The following ZP3 variants were observed in gnomAD, a reference collection of about 807,000 sequenced individuals.
The protein encoded by ZP3 is zona pellucida sperm-binding protein 3.
ZP3 carries 21 observed loss-of-function variants against 35.6 expected under a neutral mutation model. The ratio of observed to expected loss-of-function variants is 0.59; its 90% CI spans 0.42 to 0.85. The LOEUF is 0.85. ZP3 is among the 40% of genes least tolerant of loss of function. The pLI is 0.00. For missense variants in ZP3, 437 were observed against 536.5 expected (o/e 0.81, Z 1.83); for synonymous variants, 207 against 214.5 (o/e 0.96, Z 0.31).
At position 76,425,199 on chromosome 7, in the gene ZP3, G is replaced by A; in HGVS notation, c.235G>A (p.Glu79Lys). The A allele has an allele frequency of 6.2e-7, 1 of 1,614,024 alleles. No homozygotes were observed. The highest frequency in any genetic ancestry group is 1.3e-5 in the African/African-American group (1 of 75,054). ...CCTCACCTTGGGCCCAGAGGCCTGT[G>A]AGCCTCTGGTCTCCATGGACACAGA... ...ADLTLGPEACEPLVSMDTEDV... is the reference protein window; with the variant it reads ...ADLTLGPEACKPLVSMDTEDV... Residue 79 changes from glutamate (E) to lysine (K), a missense_variant, in exon 1 of 8, where the codon GAG becomes AAG. Coordinates refer to ENST00000394857, the MANE Select transcript of ZP3 (RefSeq NM_001110354.2).
Position 76,429,608 on chromosome 7 carries a change from A to G in ZP3, c.406A>G (p.Ile136Val). The G allele has an allele frequency of 6.2e-7, 1 of 1,614,032 alleles. No individual in the cohort carries two copies. Among genetic ancestry groups the G allele is most frequent in the Non-Finnish European group, 8.5e-7 (1 of 1,179,958 alleles). ...CATCGTGAGGACTAACCGCGCAGAG[A>G]TTCCCATCGAGTGCCGCTACCCCAG... Reference protein sequence around the residue: ...LSIVRTNRAEIPIECRYPRQG... With the variant: ...LSIVRTNRAEVPIECRYPRQG... The change falls in exon 2 of 8, where the codon ATT becomes GTT. Residue 136 changes from isoleucine to valine, a missense_variant. Physicochemically the swap from Ile to Val is conservative, Grantham distance 29 (BLOSUM62 3). Around this residue, in one of 6 missense-constraint regions of ZP3, gnomAD observed 352 missense variants for 308.4 expected, o/e 1.14. Coordinates refer to ENST00000394857, the MANE Select transcript of ZP3 (RefSeq NM_001110354.2).
chr7:76,399,523 C>A (rs908571835), intron 1 of ZP3, among the ~76,000 whole-genome samples: 1 of 151,766 alleles, frequency 6.6e-6, no homozygotes, highest in Admixed American at 6.6e-5. Context: ...GCCAGTGTGA[C>A]CCCAATAGTC....
chr7:76,414,696 C>CT (rs562055219), intron 1 of ZP3, among the ~76,000 whole-genome samples: 10,515 of 52,952 alleles, frequency 0.2, 1,155 homozygotes, highest in East Asian at 0.36. Context: ...CCTCCTCCTC[C>CT]TTTTTTTTTT....
intron 4 of ZP3, 139 bp from the exon 5 acceptor site, chr7:76,433,899 A>G (rs1462564296): frequency 6.7e-6 from 6 of 900,732 alleles, no homozygotes; most frequent in African/African-American, 1.7e-5. Context: ...AGGTTTCACC[A>G]TGTTTGCCAG....
intron 7 of ZP3, among the ~76,000 whole-genome samples, chr7:76,441,378 TTTC>T (rs1349522539): frequency 6.6e-6 from 1 of 150,814 alleles, no homozygotes; most frequent in Non-Finnish European, 1.5e-5. Flanking sequence ...AAGCTGTCTT[TTTC>T]TTTTTTCTTC....
At chr7:76,435,725 C>A (rs1275241412) in intron 5 of ZP3, among the ~76,000 whole-genome samples, 1 of 142,390 alleles carries the variant, frequency 7.0e-6, no homozygotes, top group Non-Finnish European at 1.5e-5. Context: ...TAGGTTCTAC[C>A]ACCAGCATTT....
intron 2 of ZP3, among the ~76,000 whole-genome samples, chr7:76,430,464 G>T (rs1805795671): frequency 6.6e-6 from 1 of 152,128 alleles, no homozygotes; most frequent in South Asian, 2.1e-4. Flanking sequence ...GGCCAGGTAT[G>T]GTGGCTCACG....
In ZP3 at chr7:76,398,740, G is replaced by A. The variant is rs73361545; in HGVS notation, c.-67+943G>A. On this transcript the variant is annotated intron_variant, in intron 1 of 8. Transcript: ENST00000336517. ...CGTACTTTTTCCATTCGGCAGTGTCGTAGGAGGTGCTCTACTGGTTAACAT... is the reference window on the plus strand; with the variant it reads ...CGTACTTTTTCCATTCGGCAGTGTCATAGGAGGTGCTCTACTGGTTAACAT... The A allele has an allele frequency of 0.011, 17,530 of 1,613,374 alleles. 1,125 individuals carry two copies. The African/African-American group carries it at 0.17, about 16-fold the overall frequency.
At chr7:76,424,196 C>T (rs1805587140), upstream of ZP3, among the ~76,000 whole-genome samples, 1 of 152,186 alleles carries the variant, frequency 6.6e-6, no homozygotes, top group Admixed American at 6.5e-5. Context: ...AGCTCCCTTG[C>T]CGGGCTGCGA....
At chr7:76,401,114 C>T in intron 1 of ZP3, 1 of 1,473,958 alleles carries the variant, frequency 6.8e-7, no homozygotes, top group Non-Finnish European at 9.0e-7. Context: ...GGAACACACC[C>T]CCCAACTCCC....
intron 1 of ZP3, among the ~76,000 whole-genome samples, chr7:76,412,950 C>CTTA (rs1289006480): frequency 5.3e-5 from 7 of 131,208 alleles, no homozygotes; most frequent in East Asian, 4.5e-4. Context: ...TCTTCTTTGT[C>CTTA]TTCTTCTTCT....
chr7:76,436,165 C>A (rs1276871062), intron 5 of ZP3, among the ~76,000 whole-genome samples: 1 of 147,008 alleles, frequency 6.8e-6, no homozygotes, highest in Non-Finnish European at 1.5e-5. Context: ...GATTCTCCTG[C>A]CTTAGCCTCC....
intron 1 of ZP3, among the ~76,000 whole-genome samples, chr7:76,401,830 G>T (rs1011878450): frequency 6.6e-6 from 1 of 152,148 alleles, no homozygotes; most frequent in Non-Finnish European, 1.5e-5. Flanking sequence ...ACATACCCAG[G>T]CCTCTTTCAG....
chr7:76,441,651 G>A (rs1225508615), intron 7 of ZP3, among the ~76,000 whole-genome samples, 191 bp from the exon 8 acceptor site: 3 of 152,176 alleles, frequency 2.0e-5, no homozygotes, highest in Non-Finnish European at 4.4e-5. Flanking sequence ...GCCTCCCAAA[G>A]TGCTGGGATT....
chr7:76,415,741 C>A (rs1032627897), intron 1 of ZP3, among the ~76,000 whole-genome samples: 2 of 151,150 alleles, frequency 1.3e-5, no homozygotes, highest in African/African-American at 2.4e-5. Context: ...GTGATCCACC[C>A]GCCTCGGCCT....
rs1235812784 is a variant in ZP3 at position 76,440,300 on chromosome 7, T to A, written c.882T>A (p.Asp294Glu). The change falls in exon 6 of 8, where the codon GAT becomes GAA. Residue 294 changes from aspartate to glutamate, a missense_variant. Asp to Glu is a conservative substitution (Grantham distance 45, BLOSUM62 2). Around this residue, in one of 6 missense-constraint regions of ZP3, gnomAD observed 26 missense variants for 78.2 expected, o/e 0.33. Coordinates refer to ENST00000394857, the MANE Select transcript of ZP3 (RefSeq NM_001110354.2). The stretch of plus-strand genomic sequence containing the variant: ...TCACCCTAGCTGAGCAGGACCCAGA[T>A]GAACTCAACAAGGCCTGTTCCTTCA... ...LKVTLAEQDPDELNKACSFSK... is the reference protein window; with the variant it reads ...LKVTLAEQDPEELNKACSFSK... 3 of 1,610,976 alleles carry A rather than the reference T, an allele frequency of 1.9e-6. No individual in the cohort carries two copies. The highest frequency in any genetic ancestry group is 2.5e-6 in the Non-Finnish European group (3 of 1,178,890).
chr7:76,425,792 C>A (rs1007179226), intron 1 of ZP3, among the ~76,000 whole-genome samples: 6 of 152,040 alleles, frequency 3.9e-5, no homozygotes, highest in African/African-American at 1.4e-4. Flanking sequence ...TAGTGAGACC[C>A]CATCTCTTAA....
upstream of ZP3, chr7:76,424,945 C>G (rs915528977): frequency 1.3e-6 from 2 of 1,501,440 alleles, no homozygotes; most frequent in East Asian, 5.0e-5. Context: ...GAGGCGGCTG[C>G]CTGCTGCTCT....
At chr7:76,397,885 T>A in intron 1 of ZP3, 1 of 1,455,836 alleles carries the variant, frequency 6.9e-7, no homozygotes, top group Non-Finnish European at 9.1e-7. Flanking sequence ...TCTGCCCCCG[T>A]CCGCACCGCA....
Sources: gnomAD v4.1 joint callset for allele counts (sites outside exome capture counted in the v4.1 genomes callset) on GRCh38, gnomAD v4.1.1 for gene constraint, gnomAD v4.1.1 regional missense constraint, MANE v1.5 for transcripts, NCBI Gene and HGNC (gene_info 2026-07-23, HGNC 2026-07-21) for gene names.